The following CCDC92B variants were observed in gnomAD, a reference collection of about 807,000 sequenced individuals.
CCDC92B encodes the protein coiled-coil domain containing 92B.
CCDC92B carries 2 observed loss-of-function variants against 5.6 expected under a neutral mutation model. That is an observed-to-expected ratio of 0.36 (90% CI 0.15 to 1.12). The LOEUF is 1.12. Ranked by LOEUF, CCDC92B falls within the 50% of genes most tolerant of loss-of-function variation. CCDC92B has a pLI of 0.40. For missense variants in CCDC92B, 271 were observed against 262.2 expected, an observed-to-expected ratio of 1.03 and a Z score of -0.23; for synonymous variants, 115 against 122.3, an observed-to-expected ratio of 0.94 and a Z score of 0.39.
At chr17:2,744,512 T>C (rs2070963842) in intron 1 of CCDC92B, among the ~76,000 whole-genome samples, 3 of 152,190 alleles carry the variant, frequency 2.0e-5, no homozygotes, top group Non-Finnish European at 4.4e-5. Flanking sequence ...GTTTATTGTC[T>C]GTTTCTCCTG....
intron 1 of CCDC92B, among the ~76,000 whole-genome samples, chr17:2,741,793 C>T (rs751194017): frequency 2.7e-5 from 4 of 150,918 alleles, no homozygotes; most frequent in South Asian, 2.1e-4. Context: ...GGAGTTTCAC[C>T]GTGTTAGCCA....
At position 2,724,491 on chromosome 17, in the gene CCDC92B, G is replaced by C. The variant is rs2070699923; in HGVS notation, c.688C>G (p.Pro230Ala). 6 of 981,188 alleles carry C rather than the reference G, an allele frequency of 6.1e-6. No individual in the cohort carries two copies. Among genetic ancestry groups the C allele is most frequent in the Non-Finnish European group, 7.3e-6 (6 of 827,072 alleles). 60.8% of individuals were successfully genotyped at this position (981,188 alleles called of 1,614,324 possible). The part of the protein sequence containing the change: ...LRPSARSPRQ[P>A]PPQEPPDRAG... ...CGGTCCGGGGGCTCCTGGGGAGGCG[G>C]CTGGCGCGGGCTGCGGGCGCTGGGC... Residue 230 changes from proline to alanine, a missense_variant, in exon 4 of 4, where the codon CCG becomes GCG. Pro to Ala is a conservative substitution (Grantham distance 27). Coordinates refer to ENST00000614400, the MANE Select transcript of CCDC92B (RefSeq NM_001355573.2). The surrounding 1 kb of genome is among the most constrained non-coding windows in gnomAD (Gnocchi z 5.0).
intron 1 of CCDC92B, among the ~76,000 whole-genome samples, chr17:2,744,969 G>A (rs2070968372): frequency 6.7e-6 from 1 of 150,006 alleles, no homozygotes; most frequent in Non-Finnish European, 1.5e-5. Context: ...GGAGGCTGAG[G>A]TGGGAGGATT....
chr17:2,740,669 C>G (rs1377552212), intron 1 of CCDC92B, among the ~76,000 whole-genome samples: 1 of 151,276 alleles, frequency 6.6e-6, no homozygotes, highest in Admixed American at 6.6e-5. Flanking sequence ...TCTCAAAAAA[C>G]AAACAAAACA....
intron 2 of CCDC92B, among the ~76,000 whole-genome samples, chr17:2,733,479 G>C (rs997472660): frequency 1.3e-5 from 2 of 152,068 alleles, no homozygotes; most frequent in East Asian, 1.9e-4. Flanking sequence ...GGCTGGTCTC[G>C]AACTCCCGAC....
At position 2,745,717 on chromosome 17, in the gene CCDC92B, T is replaced by C. The variant is rs1379453447; in HGVS notation, c.-24+3694A>G. ...ATCAGAAATGCAGTCCTGGAACATC[T>C]GGCCTTCAGAAGCTCATGCCCGAGG... On this transcript the variant is annotated intron_variant, in intron 1 of 3. Coordinates refer to ENST00000614400, the MANE Select transcript of CCDC92B (RefSeq NM_001355573.2). Among the ~76,000 whole-genome samples the C allele has an allele frequency of 5.3e-5, 8 of 152,276 alleles. No individual in the cohort carries two copies. The South Asian group carries it at 6.2e-4, about 12-fold the overall frequency.
chr17:2,741,951 A>G (rs1482080761), intron 1 of CCDC92B, among the ~76,000 whole-genome samples: 1 of 145,192 alleles, frequency 6.9e-6, no homozygotes. Flanking sequence ...ACGCCACTGC[A>G]CTCCAGCTTG....
At chr17:2,729,838 C>G (rs2070774188) in intron 3 of CCDC92B, among the ~76,000 whole-genome samples, 1 of 152,152 alleles carries the variant, frequency 6.6e-6, no homozygotes, top group Non-Finnish European at 1.5e-5. Context: ...AGAGGAATTT[C>G]TACAATGGCA....
In CCDC92B at chr17:2,724,818, G is replaced by T. The variant is rs1194235262; in HGVS notation, c.361C>A (p.His121Asn). The change falls in exon 4 of 4, where the codon CAC (histidine) becomes AAC (asparagine). Residue 121 changes from histidine (H) to asparagine (N), a missense_variant. Physicochemically the swap from His to Asn is moderately conservative, Grantham distance 68 (BLOSUM62 1). Coordinates refer to ENST00000614400, the MANE Select transcript of CCDC92B (RefSeq NM_001355573.2). This position sits in a 1 kb window ranked among gnomAD's most constrained non-coding sequence, Gnocchi z 5.0. Reference sequence around the variant, plus strand: ...TCGGTGCCCAGCACGGTGGCGCGGTGGCTGCGGCGGCGCAGCTCCTCCAGG... The same window carrying T: ...TCGGTGCCCAGCACGGTGGCGCGGTTGCTGCGGCGGCGCAGCTCCTCCAGG... ...RFLEELRRRS[H>N]RATVLGTELQ... 1 of 984,816 alleles carries T rather than the reference G, an allele frequency of 1.0e-6. No individual in the cohort carries two copies. The highest frequency in any genetic ancestry group is 1.2e-6 in the Non-Finnish European group (1 of 829,736). The allele number at this position is 984,816 out of a possible 1,614,324, so 61.0% of individuals were successfully genotyped here.
intron 1 of CCDC92B, among the ~76,000 whole-genome samples, chr17:2,740,156 C>A (rs1169430899): frequency 2.0e-5 from 3 of 152,028 alleles, no homozygotes; most frequent in Non-Finnish European, 2.9e-5. Flanking sequence ...TTGTGACAGG[C>A]AGAGTTCCAG....
At chr17:2,730,796 G>A (rs764653246) in intron 2 of CCDC92B, among the ~76,000 whole-genome samples, 4 of 152,098 alleles carry the variant, frequency 2.6e-5, no homozygotes, top group Non-Finnish European at 5.9e-5. Context: ...TGGGACTGAG[G>A]AGCCTGGCTT....
intron 1 of CCDC92B, among the ~76,000 whole-genome samples, chr17:2,742,547 C>T (rs921587501): frequency 6.6e-6 from 1 of 152,224 alleles, no homozygotes; most frequent in South Asian, 2.1e-4. Flanking sequence ...AGTTTTCCAG[C>T]TTAAGCAACC....
intron 1 of CCDC92B, chr17:2,748,214 C>T (rs1177561240): frequency 1.6e-6 from 1 of 607,212 alleles, no homozygotes; most frequent in Non-Finnish European, 3.0e-6. Flanking sequence ...AGCCCAGTAG[C>T]CAGGCCATCC....
At chr17:2,743,390 T>C (rs2070946721) in intron 1 of CCDC92B, among the ~76,000 whole-genome samples, 1 of 152,206 alleles carries the variant, frequency 6.6e-6, no homozygotes, top group South Asian at 2.1e-4. Flanking sequence ...GAGATCTCAC[T>C]GCTGCACTCC....
chr17:2,744,294 T>G (rs1317099866), intron 1 of CCDC92B, among the ~76,000 whole-genome samples: 2 of 152,118 alleles, frequency 1.3e-5, no homozygotes, highest in East Asian at 3.8e-4. Flanking sequence ...ATCTCAAAAG[T>G]GCTGGGATTA....
chr17:2,728,597 C>A (rs578050316), intron 3 of CCDC92B, among the ~76,000 whole-genome samples: 1 of 129,558 alleles, frequency 7.7e-6, no homozygotes, highest in East Asian at 2.1e-4. Flanking sequence ...AGCGAGACTC[C>A]GTCTCAAAAA....
chr17:2,743,645 C>T (rs1407782147), intron 1 of CCDC92B, among the ~76,000 whole-genome samples: 7 of 152,278 alleles, frequency 4.6e-5, no homozygotes, highest in Admixed American at 2.6e-4. Flanking sequence ...ACTCTTGCCT[C>T]GGGGACTTTG....
intron 1 of CCDC92B, among the ~76,000 whole-genome samples, chr17:2,737,027 C>T (rs1461856309): frequency 1.3e-5 from 2 of 150,898 alleles, no homozygotes; most frequent in South Asian, 2.1e-4. Flanking sequence ...TGGATGAGAG[C>T]CATGCATCCC....
chr17:2,748,097 C>A, intron 1 of CCDC92B: 1 of 529,026 alleles, frequency 1.9e-6, no homozygotes. Flanking sequence ...ATAAGAGAAT[C>A]CCAAAGGGGA....
Sources: allele counts gnomAD v4.1 joint callset (sites outside exome capture counted in the v4.1 genomes callset), GRCh38; gene constraint gnomAD v4.1.1; non-coding constraint Gnocchi (gnomAD v3.1); transcripts MANE v1.5; gene names NCBI Gene and HGNC (gene_info 2026-07-23, HGNC 2026-07-21).